The following SUGCT variants were observed in gnomAD, a reference collection of about 807,000 sequenced individuals.
The protein encoded by SUGCT is succinyl-CoA:glutarate-CoA transferase.
SUGCT carries 41 observed loss-of-function variants against 55.0 expected under a neutral mutation model. The ratio of observed to expected loss-of-function variants is 0.74; its 90% CI spans 0.58 to 0.97. The LOEUF (loss-of-function observed/expected upper bound fraction) is 0.97. Among genes scored for constraint, SUGCT ranks in the 50% least tolerant of loss-of-function variants. The probability of loss-of-function intolerance (pLI) is 0.00; values close to 1 mark genes in which losing one functional copy is unlikely to be tolerated. For synonymous variants in SUGCT, 187 were observed against 200.4 expected (o/e 0.93, Z 0.56); for missense variants, 568 against 547.8 (o/e 1.04, Z -0.37).
chr7:40,977,390 A>G, the SUGCT span, among the ~76,000 whole-genome samples: 9 of 152,202 alleles, frequency 5.9e-5, no homozygotes, highest in African/African-American at 2.2e-4. Context: ...CCATTTCTTC[A>G]TTCTCTTAGT....
At chr7:40,575,125 T>TGGGGGGGGGGGGGGGGGGGGGGGGGGGG (rs1491375845) in intron 12 of SUGCT, among the ~76,000 whole-genome samples, 1 of 136,960 alleles carries the variant, frequency 7.3e-6, no homozygotes. Flanking sequence ...GTGGCGGGGG[T>TGGGGGGGGGGGGGGGGGGGGGGGGGGGG]GGGGGTGGAG....
At chr7:40,558,189 C>G (rs1201553783) in intron 12 of SUGCT, among the ~76,000 whole-genome samples, 1 of 151,810 alleles carries the variant, frequency 6.6e-6, no homozygotes, top group Non-Finnish European at 1.5e-5. Flanking sequence ...AATGGTGCAG[C>G]CTCTGTGAAA....
At chr7:40,835,265 G>T (rs1792903558) in intron 13 of SUGCT, among the ~76,000 whole-genome samples, 1 of 152,108 alleles carries the variant, frequency 6.6e-6, no homozygotes, top group Non-Finnish European at 1.5e-5. Flanking sequence ...TTGGTCTTTT[G>T]TCTCTTTGAG....
rs568828989 is a variant in SUGCT, at chr7:40,183,408, T to C, written c.226+1380T>C. 2.6e-5 allele frequency among the ~76,000 whole-genome samples: 4 copies of C among 152,328 alleles called. No homozygotes were observed. In the East Asian group the frequency reaches 7.7e-4, roughly 29 times the overall value. The stretch of plus-strand genomic sequence containing the variant: ...AGGCTGGAGTACAGTGGTGTGATCA[T>C]AGCTCACCATAGCCTCCAACTACTA... On this transcript the variant is annotated intron_variant, in intron 3 of 13. Coordinates refer to ENST00000335693, the MANE Select transcript of SUGCT (RefSeq NM_001193313.2).
chr7:40,273,713 G>A (rs909529662), intron 7 of SUGCT, among the ~76,000 whole-genome samples: 11 of 152,162 alleles, frequency 7.2e-5, no homozygotes, highest in Non-Finnish European at 1.5e-4. Flanking sequence ...ACATGTCTGG[G>A]ACATTGAGAG....
chr7:40,622,528 G>GTTTTTTTTT (rs370877783), intron 12 of SUGCT, among the ~76,000 whole-genome samples: 26 of 81,802 alleles, frequency 3.2e-4, no homozygotes, highest in South Asian at 4.9e-4. Flanking sequence ...TGTTGTGGTT[G>GTTTTTTTTT]TTTTTTTTTT....
intron 1 of SUGCT, among the ~76,000 whole-genome samples, chr7:40,155,834 T>C (rs1783861051): frequency 6.6e-6 from 1 of 152,000 alleles, no homozygotes; most frequent in Non-Finnish European, 1.5e-5. Flanking sequence ...AGGCTGAGGA[T>C]TTTTACTTAG....
At chr7:40,567,968 G>T (rs1286208565) in intron 12 of SUGCT, among the ~76,000 whole-genome samples, 1 of 152,152 alleles carries the variant, frequency 6.6e-6, no homozygotes, top group Admixed American at 6.5e-5. Context: ...TTACATGAGG[G>T]CTTATTAGAC....
intron 12 of SUGCT, among the ~76,000 whole-genome samples, chr7:40,645,413 T>C (rs1431396535): frequency 4.6e-5 from 7 of 152,134 alleles, no homozygotes; most frequent in Admixed American, 2.0e-4. Flanking sequence ...TAAGTGGACA[T>C]GAAATAAACA....
chr7:40,295,313 C>T (rs533050078), intron 8 of SUGCT, among the ~76,000 whole-genome samples: 13 of 152,212 alleles, frequency 8.5e-5, no homozygotes, highest in Non-Finnish European at 7.3e-5. Context: ...TGGTGGCTCA[C>T]GCCTGTAATC....
intron 9 of SUGCT, among the ~76,000 whole-genome samples, chr7:40,326,302 G>C (rs1050823165): frequency 6.6e-6 from 1 of 152,122 alleles, no homozygotes; most frequent in Non-Finnish European, 1.5e-5. Context: ...ATTGTACTAA[G>C]TGTTTTGTGC....
At chr7:40,949,213 G>A in the SUGCT span, among the ~76,000 whole-genome samples, 1 of 152,214 alleles carries the variant, frequency 6.6e-6, no homozygotes, top group Non-Finnish European at 1.5e-5. Flanking sequence ...CAGTGATGAT[G>A]AGCAGTTTTT....
intron 7 of SUGCT, among the ~76,000 whole-genome samples, chr7:40,271,581 T>C (rs887593473): frequency 1.3e-5 from 2 of 152,160 alleles, no homozygotes; most frequent in Non-Finnish European, 2.9e-5. Flanking sequence ...GTGTACATGT[T>C]TTCAGGGTTC....
chr7:40,235,431 G>A (rs1257495682), intron 6 of SUGCT, among the ~76,000 whole-genome samples: 3 of 152,052 alleles, frequency 2.0e-5, no homozygotes, highest in East Asian at 1.9e-4. Context: ...GGGTTCAAGC[G>A]ATTCTCCTGT....
the SUGCT span, among the ~76,000 whole-genome samples, chr7:41,023,953 T>C: frequency 6.6e-6 from 1 of 152,114 alleles, no homozygotes; most frequent in East Asian, 1.9e-4. Context: ...AATACAAAGG[T>C]GAACTTCCCG....
the SUGCT span, among the ~76,000 whole-genome samples, chr7:41,016,426 C>T: frequency 6.6e-6 from 1 of 152,214 alleles, no homozygotes; most frequent in South Asian, 2.1e-4. Flanking sequence ...AGCCAGAACC[C>T]ATAGATTCCT....
At chr7:40,516,651 A>C (rs995948533) in intron 12 of SUGCT, among the ~76,000 whole-genome samples, 3 of 152,114 alleles carry the variant, frequency 2.0e-5, no homozygotes, top group African/African-American at 7.2e-5. Context: ...CCAATTCACT[A>C]TAAATGTGAG....
the SUGCT span, among the ~76,000 whole-genome samples, chr7:40,882,060 T>C: frequency 6.6e-6 from 1 of 152,148 alleles, no homozygotes; most frequent in East Asian, 1.9e-4. Flanking sequence ...GTATTGGAAG[T>C]TATGAAATGT....
At chr7:40,872,806 G>A in the SUGCT span, among the ~76,000 whole-genome samples, 5 of 152,234 alleles carry the variant, frequency 3.3e-5, no homozygotes, top group Admixed American at 6.5e-5. Context: ...GAAGTAGAGT[G>A]TTTACAAAGT....
Sources: allele counts gnomAD v4.1 joint callset (sites outside exome capture counted in the v4.1 genomes callset), GRCh38; gene constraint gnomAD v4.1.1; transcripts MANE v1.5; gene names NCBI Gene and HGNC (gene_info 2026-07-23, HGNC 2026-07-21).